ERGIC2: variants seen among roughly 807,000 people sequenced by gnomAD.
The protein encoded by ERGIC2 is ERGIC and golgi 2.
A neutral mutation model predicts 52.5 loss-of-function variants in ERGIC2; 31 were observed. That is an observed-to-expected ratio of 0.59 (90% CI 0.44 to 0.80). The LOEUF is 0.80. Among genes scored for constraint, ERGIC2 ranks in the 30% least tolerant of loss-of-function variants. ERGIC2 has a pLI of 0.00. For missense variants in ERGIC2, 395 were observed against 455.2 expected, an observed-to-expected ratio of 0.87 and a Z score of 1.20; for synonymous variants, 129 against 140.6, an observed-to-expected ratio of 0.92 and a Z score of 0.58.
chr12:29,365,854 ATT>A (rs1324711417), intron 5 of ERGIC2, among the ~76,000 whole-genome samples: 1 of 151,928 alleles, frequency 6.6e-6, no homozygotes, highest in African/African-American at 2.4e-5. Context: ...TTCAAAATCG[ATT>A]TTTTGAGTGG....
chr12:29,359,385 G>A (rs956212282), intron 6 of ERGIC2, among the ~76,000 whole-genome samples: 7 of 151,890 alleles, frequency 4.6e-5, no homozygotes, highest in Non-Finnish European at 8.8e-5. Flanking sequence ...ACGTGTATAT[G>A]TATGTATATA....
intron 5 of ERGIC2, 128 bp downstream of exon 5, chr12:29,366,749 T>C: frequency 2.0e-6 from 1 of 506,296 alleles, no homozygotes; most frequent in Non-Finnish European, 3.4e-6. Context: ...ACAAAGAATA[T>C]GGATTACTTT....
chr12:29,361,754 T>G, intron 5 of ERGIC2, 69 bp from the exon 6 acceptor site: 1 of 1,357,982 alleles, frequency 7.4e-7, no homozygotes, highest in East Asian at 2.4e-5. Context: ...TAATTTAAAA[T>G]TTTTTCTTTG....
In ERGIC2 at chr12:29,339,850, C is replaced by T. The variant is rs1326008823; in HGVS notation, c.*1306G>A. On this transcript the variant is annotated 3_prime_UTR_variant, in exon 14 of 14. Transcript: ENST00000360150. Reference sequence around the variant, plus strand: ...TCTAGTTTTTCAGTCTTGTTATTTACCTGGAATTTTGTTTCCCCATTTCCT... The same window carrying T: ...TCTAGTTTTTCAGTCTTGTTATTTATCTGGAATTTTGTTTCCCCATTTCCT... 2.6e-5 allele frequency: 4 copies of T among 151,974 alleles called. No individual in the cohort carries two copies. Among genetic ancestry groups the T allele is most frequent in the Admixed American group, 2.6e-4 (4 of 15,260 alleles). The allele number at this position is 151,974 out of a possible 1,614,324, so 9.4% of individuals were successfully genotyped here.
At chr12:29,348,574 C>CTA (rs1222318468) in intron 10 of ERGIC2, among the ~76,000 whole-genome samples, 3 of 151,928 alleles carry the variant, frequency 2.0e-5, no homozygotes, top group Admixed American at 6.6e-5. Context: ...GTTATCTGTG[C>CTA]TATAATGTAC....
Position 29,349,132 on chromosome 12 carries a change from A to C in ERGIC2, c.674T>G (p.Leu225Arg). The C allele has an allele frequency of 6.3e-7, 1 of 1,583,634 alleles. No individual in the cohort carries two copies. The change falls in exon 10 of 14, where the codon CTT (leucine) becomes CGT (arginine). Residue 225 changes from leucine (L) to arginine (R), a missense_variant. Leu to Arg is a moderately radical substitution (Grantham distance 102, BLOSUM62 -2). Transcript: ENST00000360150. ...TAAAGGATTAATAATTGCTGGAACA[A>C]GCTCTCCAAAAGACAAATGATCTAT... ...HRIDHLSFGELVPAIINPLDG... is the reference protein window; with the variant it reads ...HRIDHLSFGERVPAIINPLDG...
intron 8 of ERGIC2, among the ~76,000 whole-genome samples, chr12:29,355,797 C>G (rs1940194395): frequency 6.6e-6 from 1 of 152,006 alleles, no homozygotes; most frequent in Non-Finnish European, 1.5e-5. Context: ...TAAAACCTGG[C>G]AAGTAGAAGG....
At chr12:29,361,571 A>C (rs925789679) in intron 6 of ERGIC2, 74 bp downstream of exon 6, 19 of 1,095,836 alleles carry the variant, frequency 1.7e-5, no homozygotes, top group Non-Finnish European at 2.5e-5. Flanking sequence ...AAATGTGTTA[A>C]TCTATAAATA....
chr12:29,375,884 A>G (rs1385294359), intron 1 of ERGIC2, among the ~76,000 whole-genome samples: 1 of 152,162 alleles, frequency 6.6e-6, no homozygotes, highest in African/African-American at 2.4e-5. Flanking sequence ...CCTCCAAGAA[A>G]TTCATTCCAT....
chr12:29,352,065 A>C (rs1940140241), intron 8 of ERGIC2, among the ~76,000 whole-genome samples: 1 of 152,114 alleles, frequency 6.6e-6, no homozygotes, highest in African/African-American at 2.4e-5. Flanking sequence ...TTTTTAACAT[A>C]GTAATACAAT....
intron 10 of ERGIC2, among the ~76,000 whole-genome samples, chr12:29,348,437 A>T (rs1399586993): frequency 6.6e-6 from 1 of 152,076 alleles, no homozygotes; most frequent in East Asian, 1.9e-4. Context: ...AGAAAGAGGC[A>T]ATCAAAAACC....
chr12:29,380,997 C>G (rs1317612670), intron 1 of ERGIC2, 118 bp downstream of exon 1: 3 of 152,286 alleles, frequency 2.0e-5, no homozygotes, highest in Non-Finnish European at 4.4e-5. Context: ...CTCTAGAGAT[C>G]AATGAAGACA....
At chr12:29,372,831 T>C (rs1201482162) in intron 1 of ERGIC2, 1 of 152,108 alleles carries the variant, frequency 6.6e-6, no homozygotes, top group Admixed American at 6.6e-5. Flanking sequence ...AATTTTTGTA[T>C]TTTTTGTAGA....
chr12:29,343,346 T>C (rs1448746871), intron 11 of ERGIC2, 64 bp from the exon 12 acceptor site: 1 of 1,348,724 alleles, frequency 7.4e-7, no homozygotes, highest in African/African-American at 1.4e-5. Flanking sequence ...TCATGTCATC[T>C]GGTTACTTAC....
intron 8 of ERGIC2, among the ~76,000 whole-genome samples, chr12:29,350,997 C>G (rs906978453): frequency 2.0e-5 from 3 of 151,922 alleles, no homozygotes; most frequent in Non-Finnish European, 4.4e-5. Flanking sequence ...ACTTAATTTC[C>G]AAAAATATTC....
At chr12:29,343,360 C>T (rs1451861318) in intron 11 of ERGIC2, 78 bp from the exon 12 acceptor site, 20 of 1,168,838 alleles carry the variant, frequency 1.7e-5, no homozygotes, top group East Asian at 2.4e-5. Context: ...TACTTACATA[C>T]ATTCAATATT....
At chr12:29,375,531 C>T (rs985047884) in intron 1 of ERGIC2, among the ~76,000 whole-genome samples, 4 of 152,144 alleles carry the variant, frequency 2.6e-5, no homozygotes, top group Non-Finnish European at 5.9e-5. Context: ...GTGGCCATCA[C>T]ATAGTCAGTA....
chr12:29,344,295 A>C (rs1298284553), intron 11 of ERGIC2, among the ~76,000 whole-genome samples: 1 of 152,184 alleles, frequency 6.6e-6, no homozygotes, highest in Admixed American at 6.5e-5. Context: ...TGCTGAGTCA[A>C]AGGATAAATG....
intron 1 of ERGIC2, among the ~76,000 whole-genome samples, chr12:29,375,594 T>C (rs777761552): frequency 5.3e-5 from 8 of 152,226 alleles, no homozygotes; most frequent in South Asian, 2.1e-4. Flanking sequence ...TAAAAGTTTA[T>C]ATAAATGTTA....
Sources: gnomAD v4.1 joint callset for allele counts (sites outside exome capture counted in the v4.1 genomes callset) on GRCh38, gnomAD v4.1.1 for gene constraint, MANE v1.5 for transcripts, NCBI Gene and HGNC (gene_info 2026-07-23, HGNC 2026-07-21) for gene names.